The following TLK1 variants were observed in gnomAD, a reference collection of about 807,000 sequenced individuals.
TLK1 encodes tousled like kinase 1, also known as serine/threonine-protein kinase tousled-like 1.
In TLK1, 24 loss-of-function variants were observed where a neutral mutation model predicts 105.3. That is an observed-to-expected ratio of 0.23 (90% CI 0.17 to 0.32). The LOEUF (loss-of-function observed/expected upper bound fraction) is 0.32. Among genes scored for constraint, TLK1 ranks in the 10% least tolerant of loss-of-function variants. TLK1 has a pLI of 1.00. For synonymous variants in TLK1, 321 were observed against 310.4 expected (o/e 1.03, Z -0.36); for missense variants, 558 against 910.5 (o/e 0.61, Z 4.98).
chr2:171,132,229 CCAAA>C (rs1691131800), intron 1 of TLK1, among the ~76,000 whole-genome samples: 1 of 152,146 alleles, frequency 6.6e-6, no homozygotes, highest in Non-Finnish European at 1.5e-5. Context: ...AGGAGAAATG[CCAAA>C]CACTTACAAA....
chr2:171,101,118 A>C (rs776234109), intron 2 of TLK1, among the ~76,000 whole-genome samples: 2 of 151,964 alleles, frequency 1.3e-5, no homozygotes, highest in African/African-American at 2.4e-5. Flanking sequence ...GAGGCCAAGG[A>C]GGGTGGATCA....
intron 12 of TLK1, chr2:171,022,989 G>T (rs1163333255): frequency 8.7e-6 from 4 of 459,656 alleles, no homozygotes; most frequent in Non-Finnish European, 1.8e-5. Context: ...CTGTGTACTT[G>T]TTCTTGACCT....
At chr2:171,015,413 C>T (rs1206194493) in intron 12 of TLK1, among the ~76,000 whole-genome samples, 2 of 96,920 alleles carry the variant, frequency 2.1e-5, no homozygotes, top group Non-Finnish European at 4.0e-5. Flanking sequence ...ATTTGGAGTA[C>T]AAACACACAC....
At chr2:170,997,303 A>G (rs941589035) in intron 19 of TLK1, among the ~76,000 whole-genome samples, 6 of 152,162 alleles carry the variant, frequency 3.9e-5, no homozygotes, top group African/African-American at 1.4e-4. Context: ...AAGTTGGGAA[A>G]TAAGACTAAG....
chr2:170,997,905 C>T (rs1020107703), intron 18 of TLK1, 82 bp from the exon 19 acceptor site: 35 of 780,070 alleles, frequency 4.5e-5, no homozygotes, highest in African/African-American at 4.3e-4. Context: ...TCTTAGAACA[C>T]GAATTTTATT....
At chr2:171,164,956 A>G (rs1220040692), upstream of TLK1, among the ~76,000 whole-genome samples, 1 of 152,316 alleles carries the variant, frequency 6.6e-6, no homozygotes, top group African/African-American at 2.4e-5. Context: ...CCCCACCTCT[A>G]TCTAAAAAAA....
At chr2:171,133,373 G>C (rs907878413) in intron 1 of TLK1, among the ~76,000 whole-genome samples, 2 of 152,182 alleles carry the variant, frequency 1.3e-5, no homozygotes, top group African/African-American at 2.4e-5. Context: ...GAGGAGGGTG[G>C]ATCACTTGAG....
intron 3 of TLK1, among the ~76,000 whole-genome samples, chr2:171,081,950 CCAAGTAGAAAAAAGTCTATACTAAT>C: frequency 6.6e-6 from 1 of 151,458 alleles, no homozygotes; most frequent in South Asian, 2.1e-4. Flanking sequence ...TCTATACTAA[CCAAGTAGAAAAAAGTCTATACTAAT>C]CAAGTAGAAA....
chr2:171,084,227 T>C (rs945358767), intron 2 of TLK1, among the ~76,000 whole-genome samples: 2 of 151,844 alleles, frequency 1.3e-5, no homozygotes, highest in Admixed American at 6.6e-5. Context: ...GTACAGAAGC[T>C]AGGTTAACTT....
At chr2:170,995,448 C>T (rs1684009662) in intron 20 of TLK1, among the ~76,000 whole-genome samples, 1 of 151,962 alleles carries the variant, frequency 6.6e-6, no homozygotes, top group South Asian at 2.1e-4. Flanking sequence ...ACTGTGGTGC[C>T]TATTAAGAGC....
chr2:171,063,536 T>TA (rs1423956049), intron 3 of TLK1, among the ~76,000 whole-genome samples: 1 of 152,196 alleles, frequency 6.6e-6, no homozygotes, highest in Non-Finnish European at 1.5e-5. Context: ...CTTGACTAGG[T>TA]ACTCTTGAAC....
chr2:171,229,842 A>G (rs1295669722), intron 1 of TLK1, among the ~76,000 whole-genome samples: 1 of 152,226 alleles, frequency 6.6e-6, no homozygotes, highest in East Asian at 1.9e-4. Context: ...ATGGCGAGTT[A>G]GCAGAGGAAG....
chr2:171,085,516 G>C (rs552044248), intron 2 of TLK1, among the ~76,000 whole-genome samples: 2 of 152,152 alleles, frequency 1.3e-5, no homozygotes, highest in East Asian at 3.9e-4. Context: ...GCACACCTAG[G>C]AATAACAACC....
At position 171,125,171 on chromosome 2, in the gene TLK1, G is replaced by C. The variant is rs1690817258; in HGVS notation, c.140-7314C>G. The stretch of plus-strand genomic sequence containing the variant: ...AATAAGCCACTTGGAAACTTATTTT[G>C]GTGGCAGCCTCATTTTCATTTTTAT... On this transcript the variant is annotated intron_variant, in intron 1 of 20. Coordinates refer to ENST00000431350, the MANE Select transcript of TLK1 (RefSeq NM_012290.5). 3.9e-5 allele frequency among the ~76,000 whole-genome samples: 6 copies of C among 152,102 alleles called. No homozygotes were observed. The South Asian group carries it at 1.2e-3, about 32-fold the overall frequency.
At chr2:171,151,497 C>T (rs1418568061) in intron 1 of TLK1, among the ~76,000 whole-genome samples, 26 of 116,304 alleles carry the variant, frequency 2.2e-4, no homozygotes, top group Non-Finnish European at 3.3e-4. Flanking sequence ...TTTTTTGAGA[C>T]GGAGTCTTGC....
At chr2:171,078,661 T>C (rs1261606746) in intron 3 of TLK1, among the ~76,000 whole-genome samples, 1 of 152,204 alleles carries the variant, frequency 6.6e-6, no homozygotes. Context: ...AACCACAGCC[T>C]TGGGTGGTGA....
Position 171,160,388 on chromosome 2 carries a change from G to A in TLK1, c.41C>T (p.Pro14Leu). ...QSSSGSLEGPPSWSQLSTSPT... is the reference protein window; with the variant it reads ...QSSSGSLEGPLSWSQLSTSPT... Reference sequence around the variant, plus strand: ...AGACGTGGAGAGCTGGGACCAAGATGGCGGCCCCTCCAAACTTCCACTGCT... The same window carrying A: ...AGACGTGGAGAGCTGGGACCAAGATAGCGGCCCCTCCAAACTTCCACTGCT... Residue 14 changes from proline to leucine, a missense_variant, in exon 1 of 21, where the codon CCA becomes CTA. Physicochemically the swap from Pro to Leu is moderately conservative, Grantham distance 98 (BLOSUM62 -3). Around this residue, in one of 5 missense-constraint regions of TLK1, gnomAD observed 104 missense variants for 116.0 expected, o/e 0.90. Transcript: ENST00000431350. The surrounding 1 kb of genome is among the most constrained non-coding windows in gnomAD (Gnocchi z 4.4). 6.2e-7 allele frequency: 1 copy of A among 1,604,376 alleles called. No individual in the cohort carries two copies.
At chr2:170,995,606 TAAGAC>T (rs1452005130) in intron 20 of TLK1, among the ~76,000 whole-genome samples, 4 of 152,148 alleles carry the variant, frequency 2.6e-5, no homozygotes, top group African/African-American at 2.4e-5. Context: ...AGACAGAAAA[TAAGAC>T]AAGATTTAGA....
At chr2:171,197,233 A>G (rs780787528) in intron 1 of TLK1, among the ~76,000 whole-genome samples, 2 of 152,162 alleles carry the variant, frequency 1.3e-5, no homozygotes, top group Non-Finnish European at 2.9e-5. Context: ...CATACATTAA[A>G]TTTTCTTATA....
Sources: allele counts gnomAD v4.1 joint callset (sites outside exome capture counted in the v4.1 genomes callset), GRCh38; gene constraint gnomAD v4.1.1; regional missense constraint gnomAD v4.1.1; non-coding constraint Gnocchi (gnomAD v3.1); transcripts MANE v1.5; gene names NCBI Gene and HGNC (gene_info 2026-07-23, HGNC 2026-07-21).